Variants in SLC13A1 observed in about 807,000 individuals in gnomAD.
SLC13A1 encodes solute carrier family 13 member 1.
SLC13A1 carries 65 observed loss-of-function variants against 70.0 expected under a neutral mutation model. The observed-to-expected ratio is 0.93, with a 90% confidence interval of 0.76 to 1.14. SLC13A1 has a LOEUF of 1.14. Among genes scored for constraint, SLC13A1 ranks in the 50% most tolerant of loss-of-function variants. SLC13A1 has a pLI of 0.00. For synonymous variants in SLC13A1, 275 were observed against 250.5 expected (o/e 1.10, Z -0.92); for missense variants, 726 against 717.8 (o/e 1.01, Z -0.13).
Position 123,115,562 on chromosome 7 carries a change from A to G in SLC13A1, c.1744T>C (p.Tyr582His). The G allele has an allele frequency of 1.9e-6, 3 of 1,613,852 alleles. No homozygotes were observed. In the South Asian group the frequency reaches 3.3e-5, roughly 18 times the overall value. The part of the protein sequence containing the change: ...WIVPMFDLYT[Y>H]PSWAPAMSNE... ...CTCATAGCAGGAGCCCACGAAGGGT[A>G]AGTGTAGAGGTCAAACATGGGTACA... Residue 582 changes from tyrosine to histidine, a missense_variant, in exon 15 of 15, where the codon TAC becomes CAC. Tyr to His is a moderately conservative substitution (Grantham distance 83). Coordinates refer to ENST00000194130, the MANE Select transcript of SLC13A1 (RefSeq NM_022444.4).
intron 10 of SLC13A1, among the ~76,000 whole-genome samples, chr7:123,126,454 T>C (rs1026308948): frequency 3.9e-5 from 6 of 152,138 alleles, no homozygotes; most frequent in African/African-American, 1.4e-4. Context: ...AAATAGGCAT[T>C]AATAATTAGC....
chr7:123,137,531 C>A (rs779092137), intron 7 of SLC13A1, among the ~76,000 whole-genome samples: 63 of 152,216 alleles, frequency 4.1e-4, no homozygotes, highest in Middle Eastern at 3.4e-3. Context: ...TAGCAAGGGC[C>A]TGAAGGCAGC....
At chr7:123,117,647 G>T in intron 13 of SLC13A1, 39 bp from the exon 14 acceptor site, 1 of 1,451,480 alleles carries the variant, frequency 6.9e-7, no homozygotes, top group Non-Finnish European at 9.3e-7. Context: ...GTAAAATTTT[G>T]AGGGTAGACA....
chr7:123,128,538 G>A (rs1006467772), intron 10 of SLC13A1, among the ~76,000 whole-genome samples: 29 of 152,100 alleles, frequency 1.9e-4, no homozygotes, highest in Admixed American at 1.9e-3. Flanking sequence ...CATAGCCTTT[G>A]TGCTGTTATA....
In SLC13A1 at chr7:123,171,862, C is replaced by T. The variant is rs772117439; in HGVS notation, c.271G>A (p.Gly91Arg). ...ATGGATGTTGCTAAACAGATAACTC[C>T]AATTAGCAGTAAGTGAAAATCCTTG... ...YFKDFHLLLIGVICLATSIEK... is the reference protein window; with the variant it reads ...YFKDFHLLLIRVICLATSIEK... The change falls in exon 3 of 15, where the codon GGA (glycine) becomes AGA (arginine). Residue 91 changes from glycine to arginine, a missense_variant. Physicochemically the swap from Gly to Arg is moderately radical, Grantham distance 125. Coordinates refer to ENST00000194130, the MANE Select transcript of SLC13A1 (RefSeq NM_022444.4). 1 of 1,612,632 alleles carries T rather than the reference C, an allele frequency of 6.2e-7. No homozygotes were observed. The highest frequency in any genetic ancestry group is 8.5e-7 in the Non-Finnish European group (1 of 1,178,854).
chr7:123,174,281 A>G (rs1289813762), intron 2 of SLC13A1, among the ~76,000 whole-genome samples: 6 of 152,064 alleles, frequency 3.9e-5, no homozygotes, highest in Non-Finnish European at 7.4e-5. Flanking sequence ...GATATGTCCA[A>G]CTGTTCATTT....
intron 1 of SLC13A1, among the ~76,000 whole-genome samples, chr7:123,197,568 GT>G (rs1297028953): frequency 6.6e-6 from 1 of 152,036 alleles, no homozygotes; most frequent in Non-Finnish European, 1.5e-5. Context: ...TTAATTAGCA[GT>G]TTATTGAATG....
chr7:123,124,994 C>T (rs946523498), intron 11 of SLC13A1, among the ~76,000 whole-genome samples: 1 of 151,898 alleles, frequency 6.6e-6, no homozygotes, highest in Admixed American at 6.6e-5. Flanking sequence ...GCTGCCAAGG[C>T]TTGTTTCAAA....
intron 7 of SLC13A1, among the ~76,000 whole-genome samples, chr7:123,145,182 G>C (rs1308206562): frequency 6.6e-6 from 1 of 152,110 alleles, no homozygotes; most frequent in Non-Finnish European, 1.5e-5. Context: ...CCCTCTGCTA[G>C]AGCCACATGT....
At chr7:123,186,426 G>C (rs1795802992) in intron 1 of SLC13A1, among the ~76,000 whole-genome samples, 1 of 152,026 alleles carries the variant, frequency 6.6e-6, no homozygotes, top group African/African-American at 2.4e-5. Flanking sequence ...GCTTCATTTT[G>C]TCACTAGAAA....
chr7:123,195,943 TCTTA>T (rs747036179), intron 1 of SLC13A1, among the ~76,000 whole-genome samples: 11 of 152,068 alleles, frequency 7.2e-5, no homozygotes, highest in Non-Finnish European at 1.6e-4. Context: ...GATTTTCCCC[TCTTA>T]CTTCTAACAA....
At chr7:123,185,711 T>G (rs1483390647) in intron 1 of SLC13A1, among the ~76,000 whole-genome samples, 1 of 152,094 alleles carries the variant, frequency 6.6e-6, no homozygotes, top group Non-Finnish European at 1.5e-5. Context: ...AATCAGGTAG[T>G]GTGATGCCCC....
intron 8 of SLC13A1, 60 bp downstream of exon 8, chr7:123,134,350 G>A (rs1793875881): frequency 6.5e-7 from 1 of 1,527,388 alleles, no homozygotes; most frequent in African/African-American, 1.4e-5. Flanking sequence ...CGGATAAGAA[G>A]CTAAGAACTG....
At chr7:123,195,630 A>G (rs1016644282) in intron 1 of SLC13A1, among the ~76,000 whole-genome samples, 16 of 152,040 alleles carry the variant, frequency 1.1e-4, no homozygotes, top group African/African-American at 2.2e-4. Context: ...CTCATCATGT[A>G]TCATTTTATT....
intron 6 of SLC13A1, among the ~76,000 whole-genome samples, chr7:123,158,061 G>T (rs1339281746): frequency 6.6e-6 from 1 of 151,886 alleles, no homozygotes; most frequent in Non-Finnish European, 1.5e-5. Flanking sequence ...TGCAACATAG[G>T]ACTTAAAGAA....
intron 1 of SLC13A1, among the ~76,000 whole-genome samples, chr7:123,194,510 T>A (rs1796111202): frequency 6.6e-6 from 1 of 152,126 alleles, no homozygotes; most frequent in African/African-American, 2.4e-5. Context: ...AAAGGAACCA[T>A]TGAAAAATTT....
At chr7:123,139,347 G>A (rs1794055880) in intron 7 of SLC13A1, among the ~76,000 whole-genome samples, 1 of 152,012 alleles carries the variant, frequency 6.6e-6, no homozygotes, top group Admixed American at 6.6e-5. Flanking sequence ...GTCATGTAAT[G>A]TGATTCTTAC....
At chr7:123,156,604 A>G (rs1372934805) in intron 6 of SLC13A1, among the ~76,000 whole-genome samples, 1 of 152,128 alleles carries the variant, frequency 6.6e-6, no homozygotes, top group Non-Finnish European at 1.5e-5. Context: ...ATGTTATTTA[A>G]TTAAACCAGC....
In SLC13A1 at chr7:123,127,989, A is replaced by G. The variant is rs554134906; in HGVS notation, c.1133+856T>C. ...AACTGAGTTATTTATATTGACATAT[A>G]GGATGGTCCTTAATTTAGAAAATTA... On this transcript the variant is annotated intron_variant, in intron 10 of 14. Transcript: ENST00000194130. Among the ~76,000 whole-genome samples the G allele has an allele frequency of 3.9e-5, 6 of 151,998 alleles. No homozygotes were observed. In the East Asian group the frequency reaches 1.2e-3, roughly 29 times the overall value.
Sources: gnomAD v4.1 joint callset for allele counts (sites outside exome capture counted in the v4.1 genomes callset) on GRCh38, gnomAD v4.1.1 for gene constraint, MANE v1.5 for transcripts, NCBI Gene and HGNC (gene_info 2026-07-23, HGNC 2026-07-21) for gene names.